The following TSPEAR variants were observed in gnomAD, a reference collection of about 807,000 sequenced individuals.
The protein encoded by TSPEAR is thrombospondin-type laminin G domain and EAR repeat-containing protein.
In TSPEAR, 69 loss-of-function variants were observed where a neutral mutation model predicts 71.6. The ratio of observed to expected loss-of-function variants is 0.96; its 90% confidence interval spans 0.79 to 1.18. TSPEAR has a LOEUF of 1.18. TSPEAR is among the 50% of genes most tolerant of loss of function. TSPEAR has a pLI of 0.00. For synonymous variants in TSPEAR, 402 were observed against 387.2 expected, an observed-to-expected ratio of 1.04 and a Z score of -0.45; for missense variants, 971 against 894.9, an observed-to-expected ratio of 1.09 and a Z score of -1.09.
intron 1 of TSPEAR, among the ~76,000 whole-genome samples, chr21:44,650,766 T>TGGGGCTG (rs1353698256): frequency 6.6e-6 from 1 of 151,858 alleles, no homozygotes; most frequent in African/African-American, 2.4e-5. Flanking sequence ...TCCAGGGAAA[T>TGGGGCTG]GGGGCTGGGG....
At chr21:44,504,748 C>CT in intron 11 of TSPEAR, 32 bp downstream of exon 11, 1 of 1,549,118 alleles carries the variant, frequency 6.5e-7, no homozygotes, top group Admixed American at 1.7e-5. Flanking sequence ...AAGCAAGGCT[C>CT]TGGGAGGAGG....
At chr21:44,504,378 G>A (rs2052142879) in intron 11 of TSPEAR, among the ~76,000 whole-genome samples, 1 of 144,918 alleles carries the variant, frequency 6.9e-6, no homozygotes, top group Admixed American at 6.9e-5. Context: ...AAGTCTCTTG[G>A]AGGAAGCTGG....
chr21:44,643,822 G>A lies in TSPEAR; in HGVS notation c.82+67611C>T, dbSNP rs587717960. ...TGCATGCACGAGACCAAGGCTGTGCGACAAAGCAGCAAACATCGGCTTAGT... is the reference window on the plus strand; with the variant it reads ...TGCATGCACGAGACCAAGGCTGTGCAACAAAGCAGCAAACATCGGCTTAGT... On this transcript the variant is annotated intron_variant, in intron 1 of 11. Coordinates refer to ENST00000323084, the MANE Select transcript of TSPEAR (RefSeq NM_144991.3). Among the ~76,000 whole-genome samples the A allele has an allele frequency of 2.8e-4, 43 of 152,326 alleles. No homozygotes were observed. The South Asian group carries it at 8.5e-3, about 30-fold the overall frequency.
At chr21:44,667,205 G>A (rs1985831308) in intron 1 of TSPEAR, among the ~76,000 whole-genome samples, 1 of 152,138 alleles carries the variant, frequency 6.6e-6, no homozygotes, top group African/African-American at 2.4e-5. Context: ...TTACTTTTGT[G>A]AGATTCCAAA....
At chr21:44,662,425 C>T (rs1341412681) in intron 1 of TSPEAR, among the ~76,000 whole-genome samples, 1 of 152,150 alleles carries the variant, frequency 6.6e-6, no homozygotes, top group Non-Finnish European at 1.5e-5. Context: ...CATCAATTCA[C>T]CATGGACACG....
At chr21:44,629,171 G>C (rs782075013) in intron 1 of TSPEAR, among the ~76,000 whole-genome samples, 4 of 152,304 alleles carry the variant, frequency 2.6e-5, no homozygotes, top group Non-Finnish European at 5.9e-5. Context: ...CACTCTTCTC[G>C]CCTTAGGAGA....
Position 44,528,459 on chromosome 21 carries a change from CA to C in TSPEAR, c.914del (p.Val305GlyfsTer2), listed in dbSNP as rs1299188953. On this transcript the variant is annotated frameshift_variant, in exon 6 of 12. Transcript: ENST00000323084. LOFTEE classifies it high-confidence loss of function. ...YLCVGNEWVSVLAAKERLDYV... is the reference protein window; with the variant it reads ...YLCVGNEWVSXLAAKERLDYV... Reference sequence around the variant, plus strand: ...GGTGCAGGGCTGCCTCACCTGCTAACACGGAGACCCACTCGTTGCCAACACA... The same window carrying C: ...GGTGCAGGGCTGCCTCACCTGCTAACCGGAGACCCACTCGTTGCCAACACA... 1 of 1,613,866 alleles carries C rather than the reference CA, an allele frequency of 6.2e-7. No homozygotes were observed. Among genetic ancestry groups the C allele is most frequent in the African/African-American group, 1.3e-5 (1 of 75,056 alleles).
chr21:44,529,764 CT>C, intron 5 of TSPEAR, 33 bp downstream of exon 5: 1 of 1,612,398 alleles, frequency 6.2e-7, no homozygotes, highest in Non-Finnish European at 8.5e-7. Context: ...TCGCATCTGC[CT>C]TTGGTGTGGG....
chr21:44,657,690 T>C (rs1985231705), intron 1 of TSPEAR, among the ~76,000 whole-genome samples: 1 of 152,182 alleles, frequency 6.6e-6, no homozygotes, highest in African/African-American at 2.4e-5. Flanking sequence ...ATGTGCACGG[T>C]AGTAGCCTGA....
chr21:44,568,064 T>C, intron 1 of TSPEAR, 59 bp from the exon 2 acceptor site: 1 of 1,366,622 alleles, frequency 7.3e-7, no homozygotes, highest in African/African-American at 1.4e-5. Context: ...TGGATACCCA[T>C]AACAGCCAAC....
intron 11 of TSPEAR, among the ~76,000 whole-genome samples, chr21:44,503,769 G>A (rs1358324240): frequency 7.3e-6 from 1 of 137,166 alleles, no homozygotes; most frequent in Non-Finnish European, 1.5e-5. Flanking sequence ...CCCTCGGGGG[G>A]AAGCAAGGCT....
chr21:44,681,867 C>T (rs138110019), intron 1 of TSPEAR: 1 of 1,613,900 alleles, frequency 6.2e-7, no homozygotes, highest in Non-Finnish European at 8.5e-7. Context: ...GGAGATGGGT[C>T]TGCAGAGGAC....
At position 44,612,915 on chromosome 21, in the gene TSPEAR, G is replaced by A. The variant is rs1314761085; in HGVS notation, c.83-44910C>T. ...TCAGGCCAGGAGTCCAGCTGCTGAT[G>A]GGCACGTCCCCCAGGGCCAGCCGGC... is the stretch of plus-strand genomic sequence containing the variant. On this transcript the variant is annotated intron_variant, in intron 1 of 11. Transcript: ENST00000323084. This position sits in a 1 kb window ranked among gnomAD's most constrained non-coding sequence, Gnocchi z 4.1. 3 of 1,604,408 alleles carry A rather than the reference G, an allele frequency of 1.9e-6. No individual in the cohort carries two copies. The highest frequency in any genetic ancestry group is 1.7e-5 in the Admixed American group (1 of 59,842).
chr21:44,653,431 C>T (rs781880024), intron 1 of TSPEAR, among the ~76,000 whole-genome samples: 11 of 152,282 alleles, frequency 7.2e-5, no homozygotes, highest in East Asian at 1.9e-4. Flanking sequence ...AACACGGAGC[C>T]GGAATCTCTG....
chr21:44,512,802 G>A (rs2052429490), intron 9 of TSPEAR, among the ~76,000 whole-genome samples: 1 of 152,204 alleles, frequency 6.6e-6, no homozygotes, highest in Non-Finnish European at 1.5e-5. Flanking sequence ...GGGCATGGAG[G>A]TCTGTCCAGG....
intron 1 of TSPEAR, among the ~76,000 whole-genome samples, chr21:44,648,921 G>A (rs797029877): frequency 2.6e-5 from 4 of 152,340 alleles, no homozygotes; most frequent in East Asian, 3.9e-4. Flanking sequence ...CTGCAGTGGC[G>A]GGGTCCCCTC....
chr21:44,521,882 C>T lies in TSPEAR; in HGVS notation c.1566+1G>A, dbSNP rs2052741464. 6.2e-7 allele frequency: 1 copy of T among 1,612,874 alleles called. No homozygotes were observed. The highest frequency in any genetic ancestry group is 8.5e-7 in the Non-Finnish European group (1 of 1,179,584). On this transcript the variant is annotated splice_donor_variant, in intron 9 of 11. Coordinates refer to ENST00000323084, the MANE Select transcript of TSPEAR (RefSeq NM_144991.3). LOFTEE classifies it high-confidence loss of function. ...GCCGGGGCTCATGCGGGGGGCCTTA[C>T]CGGGAAGGACTGGAAGAGCTGGAAG...
At chr21:44,630,986 T>A (rs781829365) in intron 1 of TSPEAR, among the ~76,000 whole-genome samples, 15 of 151,990 alleles carry the variant, frequency 9.9e-5, no homozygotes, top group Admixed American at 1.3e-4. Flanking sequence ...CCATCCAGAA[T>A]TATCAAATTA....
At chr21:44,504,014 G>GCAGC (rs2052121685) in intron 11 of TSPEAR, among the ~76,000 whole-genome samples, 1 of 148,676 alleles carries the variant, frequency 6.7e-6, no homozygotes, top group Non-Finnish European at 1.5e-5. Context: ...GCCGGCCTCG[G>GCAGC]TGAGCCCTCA....
Sources: gnomAD v4.1 joint callset for allele counts (sites outside exome capture counted in the v4.1 genomes callset) on GRCh38, gnomAD v4.1.1 for gene constraint, Gnocchi (gnomAD v3.1) non-coding constraint, MANE v1.5 for transcripts, NCBI Gene and HGNC (gene_info 2026-07-23, HGNC 2026-07-21) for gene names.